ZNF2: variants seen among roughly 807,000 people sequenced by gnomAD.
The protein encoded by ZNF2 is zinc finger protein 2.
ZNF2 carries 12 observed loss-of-function variants against 21.9 expected under a neutral mutation model. The ratio of observed to expected loss-of-function variants is 0.55; its 90% CI spans 0.35 to 0.89. The LOEUF (loss-of-function observed/expected upper bound fraction) is 0.89. Ranked by LOEUF, ZNF2 falls within the 40% of genes least tolerant of loss-of-function variation. The pLI is 0.01. For missense variants in ZNF2, 462 were observed against 544.2 expected, an observed-to-expected ratio of 0.85 and a Z score of 1.50; for synonymous variants, 186 against 196.3, an observed-to-expected ratio of 0.95 and a Z score of 0.44.
intron 3 of ZNF2, among the ~76,000 whole-genome samples, chr2:95,178,410 C>G (rs907276258): frequency 6.6e-6 from 1 of 152,126 alleles, no homozygotes; most frequent in Non-Finnish European, 1.5e-5. Context: ...CAATTGTCTC[C>G]CAAACAGAAT....
intron 3 of ZNF2, 64 bp downstream of exon 3, chr2:95,177,673 A>G: frequency 6.4e-7 from 1 of 1,552,752 alleles, no homozygotes. Flanking sequence ...GAGAGGGCTG[A>G]GGAATTAATA....
At chr2:95,168,140 C>T (rs931117039) in intron 1 of ZNF2, among the ~76,000 whole-genome samples, 1 of 150,744 alleles carries the variant, frequency 6.6e-6, no homozygotes, top group African/African-American at 2.4e-5. Flanking sequence ...AAAAAAAAGA[C>T]TGGGGTCTGG....
rs896457299 is a variant in ZNF2 at position 95,180,972 on chromosome 2, G to A, written c.275-131G>A. 182 of 1,130,330 alleles carry A rather than the reference G, an allele frequency of 1.6e-4. 1 individual carries two copies. The highest frequency in any genetic ancestry group is 2.4e-4 in the Middle Eastern group (1 of 4,208). The allele number at this position is 1,130,330 out of a possible 1,614,324, so 70.0% of individuals were successfully genotyped here. ...TCCCAGGTCTTAGTCCCTCCCTGCC[G>A]TGTAAGACTATCTATGGGAGCAAGC... On this transcript the variant is annotated intron_variant, in intron 4 of 4. Coordinates refer to ENST00000614034, the MANE Select transcript of ZNF2 (RefSeq NM_021088.4).
At chr2:95,171,924 T>G (rs1674286115) in intron 1 of ZNF2, among the ~76,000 whole-genome samples, 1 of 152,156 alleles carries the variant, frequency 6.6e-6, no homozygotes, top group Admixed American at 6.5e-5. Flanking sequence ...CGACCCATAG[T>G]TGTACTTCTG....
intron 1 of ZNF2, among the ~76,000 whole-genome samples, chr2:95,175,795 G>T (rs1674419908): frequency 6.6e-6 from 1 of 152,226 alleles, no homozygotes; most frequent in African/African-American, 2.4e-5. Context: ...CCTTTGAAGA[G>T]ACTGGATTGT....
At position 95,165,844 on chromosome 2, in the gene ZNF2, A is replaced by G. The variant is rs770737403; in HGVS notation, c.-56A>G. 4.6e-5 allele frequency: 7 copies of G among 152,326 alleles called. No homozygotes were observed. Among genetic ancestry groups the G allele is most frequent in the Non-Finnish European group, 2.9e-5 (2 of 68,122 alleles). The allele number at this position is 152,326 out of a possible 1,614,324, so 9.4% of individuals were successfully genotyped here. On this transcript the variant is annotated 5_prime_UTR_variant, in exon 1 of 5. Transcript: ENST00000614034. ...AGAGGCGCCGTCTTCCCGGGTCCCG[A>G]GCACTCTGTGCCGGAGGTGAGGGTT...
At chr2:95,172,599 A>G (rs1293339264) in intron 1 of ZNF2, among the ~76,000 whole-genome samples, 1 of 151,998 alleles carries the variant, frequency 6.6e-6, no homozygotes, top group Non-Finnish European at 1.5e-5. Context: ...ATGTAATTTT[A>G]AAAGTGTGCA....
intron 1 of ZNF2, among the ~76,000 whole-genome samples, chr2:95,171,994 A>G (rs535037460): frequency 6.6e-6 from 1 of 152,326 alleles, no homozygotes; most frequent in South Asian, 2.1e-4. Context: ...GGGAAAAGAC[A>G]AGCCGGGTAG....
chr2:95,182,648 T>A lies in ZNF2; in HGVS notation c.*542T>A, dbSNP rs558878559. The A allele has an allele frequency of 6.5e-6, 1 of 153,678 alleles. No individual in the cohort carries two copies. The highest frequency in any genetic ancestry group is 2.1e-4 in the South Asian group (1 of 4,850). 9.5% of individuals were successfully genotyped at this position (153,678 alleles called of 1,614,324 possible). A position where few individuals can be genotyped will look rare whatever the true frequency, so the allele number is the denominator to read the frequency against. On this transcript the variant is annotated 3_prime_UTR_variant, in exon 5 of 5. Transcript: ENST00000614034. ...GCTAAGGGTTTTACAGGAAGTAGAT[T>A]AATTGATCCTGTCACCAACCATATG...
Position 95,181,772 on chromosome 2 carries a change from G to A in ZNF2, c.944G>A (p.Cys315Tyr), listed in dbSNP as rs1290470487. The A allele has an allele frequency of 1.2e-6, 2 of 1,614,228 alleles. No homozygotes were observed. Among genetic ancestry groups the A allele is most frequent in the Non-Finnish European group, 1.7e-6 (2 of 1,180,036 alleles). The change falls in exon 5 of 5, where the codon TGT becomes TAT. Residue 315 changes from cysteine (C) to tyrosine (Y), a missense_variant. Physicochemically the swap from Cys to Tyr is radical, Grantham distance 194. Coordinates refer to ENST00000614034, the MANE Select transcript of ZNF2 (RefSeq NM_021088.4). ...LIHTGRKPYE[C>Y]NECGKAFYGV... ...CACACTGGCAGGAAGCCTTATGAGT[G>A]TAACGAGTGCGGGAAAGCTTTCTAT...
chr2:95,176,754 A>C (rs1674456992), intron 2 of ZNF2, among the ~76,000 whole-genome samples: 1 of 152,204 alleles, frequency 6.6e-6, no homozygotes, highest in Non-Finnish European at 1.5e-5. Flanking sequence ...GCAGAGTCTT[A>C]AATTCTGCAT....
chr2:95,182,629 G>C lies in ZNF2; in HGVS notation c.*523G>C, dbSNP rs1674717938. The C allele has an allele frequency of 6.5e-6, 1 of 153,736 alleles. No homozygotes were observed. The highest frequency in any genetic ancestry group is 1.4e-5 in the Non-Finnish European group (1 of 68,972). 9.5% of individuals were successfully genotyped at this position (153,736 alleles called of 1,614,324 possible). A position where few individuals can be genotyped will look rare whatever the true frequency, so the allele number is the denominator to read the frequency against. ...GCGATGAGGTAAAGACTCAGCTAAG[G>C]GTTTTACAGGAAGTAGATTAATTGA... On this transcript the variant is annotated 3_prime_UTR_variant, in exon 5 of 5. Coordinates refer to ENST00000614034, the MANE Select transcript of ZNF2 (RefSeq NM_021088.4).
At chr2:95,177,460 G>GGAGAAT in intron 2 of ZNF2, 23 bp from the exon 3 acceptor site, 1 of 1,611,872 alleles carries the variant, frequency 6.2e-7, no homozygotes, top group Non-Finnish European at 8.5e-7. Context: ...TAAGAGTAAG[G>GGAGAAT]GAGAATGTGA....
chr2:95,167,225 C>G (rs1179671476), intron 1 of ZNF2, among the ~76,000 whole-genome samples: 1 of 152,154 alleles, frequency 6.6e-6, no homozygotes, highest in African/African-American at 2.4e-5. Flanking sequence ...ATAATATGGC[C>G]GGGCACAGTG....
rs1048260088 is a variant in ZNF2, at chr2:95,182,310, C to A, written c.*204C>A. The A allele has an allele frequency of 1.4e-5, 9 of 627,372 alleles. No homozygotes were observed. Among genetic ancestry groups the A allele is most frequent in the Middle Eastern group, 4.5e-4 (1 of 2,232 alleles). 38.9% of individuals were successfully genotyped at this position (627,372 alleles called of 1,614,324 possible). On this transcript the variant is annotated 3_prime_UTR_variant, in exon 5 of 5. Coordinates refer to ENST00000614034, the MANE Select transcript of ZNF2 (RefSeq NM_021088.4). ...GGCCATGGAAATGACTCTAAAGATA[C>A]AAAATTTTGAAGAGGTTTGTCAGAC...
intron 3 of ZNF2, among the ~76,000 whole-genome samples, chr2:95,178,337 AG>A (rs1674518587): frequency 6.6e-6 from 1 of 152,170 alleles, no homozygotes; most frequent in Non-Finnish European, 1.5e-5. Context: ...GTCACATTGC[AG>A]ATTTCCTACG....
At chr2:95,179,823 G>A (rs575390881) in intron 3 of ZNF2, among the ~76,000 whole-genome samples, 15 of 152,294 alleles carry the variant, frequency 9.8e-5, no homozygotes, top group African/African-American at 1.4e-4. Flanking sequence ...TTGGGAGGCC[G>A]CGGCAGGTGG....
rs982473997 is a variant in ZNF2, at chr2:95,181,831, C to T, written c.1003C>T (p.His335Tyr). 7 of 1,614,126 alleles carry T rather than the reference C, an allele frequency of 4.3e-6. No homozygotes were observed. The African/African-American group carries it at 6.7e-5, about 15-fold the overall frequency. ...VSSLNRHQKA[H>Y]AGDPRYQCNE... ...GTCTCTGAATAGACATCAGAAAGCT[C>T]ATGCTGGGGACCCTCGCTATCAGTG... Residue 335 changes from histidine (H) to tyrosine (Y), a missense_variant, in exon 5 of 5, where the codon CAT becomes TAT. His to Tyr is a moderately conservative substitution (Grantham distance 83). Coordinates refer to ENST00000614034, the MANE Select transcript of ZNF2 (RefSeq NM_021088.4).
chr2:95,172,320 C>T (rs1251935564), intron 1 of ZNF2, among the ~76,000 whole-genome samples: 2 of 152,298 alleles, frequency 1.3e-5, no homozygotes, highest in South Asian at 2.1e-4. Context: ...CTCTCAAAAT[C>T]GAAGTTTCCA....
Sources: allele counts gnomAD v4.1 joint callset (sites outside exome capture counted in the v4.1 genomes callset), GRCh38; gene constraint gnomAD v4.1.1; transcripts MANE v1.5; gene names NCBI Gene and HGNC (gene_info 2026-07-23, HGNC 2026-07-21).